The following CSMD1 variants were observed in gnomAD, a reference collection of about 807,000 sequenced individuals.
CSMD1 encodes the protein CUB and sushi domain-containing protein 1.
A neutral mutation model predicts 417.5 loss-of-function variants in CSMD1; 213 were observed. That is an observed-to-expected ratio of 0.51 (90% CI 0.46 to 0.57). The LOEUF (loss-of-function observed/expected upper bound fraction) is 0.57. CSMD1 is among the 20% of genes least tolerant of loss of function. The probability of loss-of-function intolerance (pLI) is 0.00; values close to 1 mark genes in which losing one functional copy is unlikely to be tolerated. For missense variants in CSMD1, 6,923 were observed against 4,529.7 expected (o/e 1.53, Z -15.17); for synonymous variants, 2,862 against 1,736.8 (o/e 1.65, Z -16.11).
At chr8:4,757,575 G>C (rs1346369974) in intron 1 of CSMD1, among the ~76,000 whole-genome samples, 2 of 152,164 alleles carry the variant, frequency 1.3e-5, no homozygotes, top group Non-Finnish European at 2.9e-5. Context: ...GGCTAAGTCT[G>C]AGCAATAGCC....
At chr8:3,456,994 T>C (rs1208670689) in intron 12 of CSMD1, among the ~76,000 whole-genome samples, 1 of 151,738 alleles carries the variant, frequency 6.6e-6, no homozygotes, top group African/African-American at 2.4e-5. Context: ...GCCCCTCATT[T>C]TGTACTCCTT....
chr8:3,657,874 T>C (rs1798210068), intron 7 of CSMD1, among the ~76,000 whole-genome samples: 1 of 152,096 alleles, frequency 6.6e-6, no homozygotes, highest in African/African-American at 2.4e-5. Flanking sequence ...TAAACAAAAA[T>C]CCTCTTGAAA....
At chr8:4,771,694 C>A (rs915986868) in intron 1 of CSMD1, among the ~76,000 whole-genome samples, 3 of 152,208 alleles carry the variant, frequency 2.0e-5, no homozygotes, top group Admixed American at 6.5e-5. Context: ...TCACCCGTGT[C>A]CCCTGTGTCC....
intron 5 of CSMD1, among the ~76,000 whole-genome samples, chr8:3,986,953 C>G (rs533840580): frequency 6.6e-6 from 1 of 152,206 alleles, no homozygotes; most frequent in African/African-American, 2.4e-5. Context: ...GGGCGTTTCA[C>G]CATGCAGTTC....
intron 1 of CSMD1, among the ~76,000 whole-genome samples, chr8:4,955,377 G>T (rs1301515845): frequency 6.6e-6 from 1 of 151,834 alleles, no homozygotes. Flanking sequence ...TATGATTGGT[G>T]TCTTTCATGT....
At position 4,274,961 on chromosome 8, in the gene CSMD1, G is replaced by A. The variant is rs146236960; in HGVS notation, c.415+144992C>T. ...TTTCTTGAGAGCCATCAACAAACAT[G>A]CTTGTAGCTGAGCAGAGTGTGTGGT... On this transcript the variant is annotated intron_variant, in intron 3 of 69. Transcript: ENST00000635120. Among the ~76,000 whole-genome samples the A allele has an allele frequency of 2.2e-4, 33 of 152,276 alleles. 1 individual carries two copies. The East Asian group carries it at 6.4e-3, about 29-fold the overall frequency.
intron 67 of CSMD1, among the ~76,000 whole-genome samples, chr8:2,949,606 A>G (rs1802489180): frequency 6.6e-6 from 1 of 152,206 alleles, no homozygotes; most frequent in South Asian, 2.1e-4. Flanking sequence ...AATGCTCACA[A>G]TCTCATTTTG....
intron 9 of CSMD1, among the ~76,000 whole-genome samples, chr8:3,578,830 G>A (rs1031436298): frequency 3.3e-5 from 5 of 152,152 alleles, no homozygotes; most frequent in African/African-American, 7.2e-5. Flanking sequence ...ATTAGTCAAC[G>A]AAGTATGTGA....
chr8:4,057,001 T>G (rs1171542301), intron 3 of CSMD1, among the ~76,000 whole-genome samples: 1 of 152,212 alleles, frequency 6.6e-6, no homozygotes, highest in Non-Finnish European at 1.5e-5. Flanking sequence ...AACATACGTG[T>G]GCATGTGTCT....
rs946502515 is a variant in CSMD1 at position 3,853,869 on chromosome 8, T to A, written c.819-99827A>T. Among the ~76,000 whole-genome samples, 190 of 138,608 alleles carry A rather than the reference T, an allele frequency of 1.4e-3. 2 individuals carry two copies. Among genetic ancestry groups the A allele is most frequent in the Non-Finnish European group, 1.4e-3 (87 of 63,114 alleles). The allele number at this position is 138,608 out of a possible 152,430, so 90.9% of individuals were successfully genotyped here. On this transcript the variant is annotated intron_variant, in intron 5 of 69. Transcript: ENST00000635120. ...ATGTACCCTAAAACTTAATATATTA[T>A]ACTTTAATATATTAATATATTATAC...
chr8:4,222,234 A>G (rs1012497276), intron 3 of CSMD1, among the ~76,000 whole-genome samples: 1 of 152,164 alleles, frequency 6.6e-6, no homozygotes. Context: ...AACACGCAGA[A>G]AGTTATGATG....
chr8:4,484,486 A>C (rs1384737121), intron 2 of CSMD1, among the ~76,000 whole-genome samples: 1 of 152,092 alleles, frequency 6.6e-6, no homozygotes, highest in African/African-American at 2.4e-5. Context: ...GGAGGCACAA[A>C]AGAGAACAGG....
intron 1 of CSMD1, among the ~76,000 whole-genome samples, chr8:4,676,876 T>C: frequency 6.7e-6 from 1 of 150,298 alleles, no homozygotes; most frequent in Non-Finnish European, 1.5e-5. Context: ...TATACATATT[T>C]TATATATAGA....
chr8:4,173,468 G>C (rs1714754), intron 3 of CSMD1, among the ~76,000 whole-genome samples: 28,877 of 152,010 alleles, frequency 0.19, 2,888 homozygotes, highest in East Asian at 0.3. Flanking sequence ...AGAAGAGATA[G>C]TAAGTTGGAT....
At chr8:4,653,589 C>T (rs765877341) in intron 1 of CSMD1, among the ~76,000 whole-genome samples, 1 of 152,024 alleles carries the variant, frequency 6.6e-6, no homozygotes, top group Non-Finnish European at 1.5e-5. Context: ...TTATGACATG[C>T]ATTAAAATAG....
chr8:3,211,077 C>T (rs1316754880), intron 30 of CSMD1, among the ~76,000 whole-genome samples: 1 of 152,100 alleles, frequency 6.6e-6, no homozygotes, highest in African/African-American at 2.4e-5. Context: ...TAAGGTATTG[C>T]CCTGTTGCCC....
intron 1 of CSMD1, among the ~76,000 whole-genome samples, chr8:4,912,999 G>A (rs562757860): frequency 6.6e-6 from 1 of 152,254 alleles, no homozygotes; most frequent in South Asian, 2.1e-4. Flanking sequence ...GTGTTGGCCA[G>A]GATAGTCTCG....
intron 26 of CSMD1, among the ~76,000 whole-genome samples, chr8:3,238,139 G>C (rs62504972): frequency 5.3e-5 from 8 of 151,810 alleles, no homozygotes; most frequent in Admixed American, 4.6e-4. Context: ...ATTTGGGTAC[G>C]TAAAGGAAAA....
At chr8:4,141,502 C>G (rs1180343795) in intron 3 of CSMD1, among the ~76,000 whole-genome samples, 1 of 151,104 alleles carries the variant, frequency 6.6e-6, no homozygotes, top group Admixed American at 6.6e-5. Context: ...CACAATAATC[C>G]TGAGAGTTAT....
Sources: allele counts gnomAD v4.1 joint callset (sites outside exome capture counted in the v4.1 genomes callset), GRCh38; gene constraint gnomAD v4.1.1; transcripts MANE v1.5; gene names NCBI Gene and HGNC (gene_info 2026-07-23, HGNC 2026-07-21).